The following ASPH variants were observed in gnomAD, a reference collection of about 807,000 sequenced individuals.
ASPH encodes aspartate beta-hydroxylase, also known as aspartyl/asparaginyl beta-hydroxylase.
In ASPH, 100 loss-of-function variants were observed where a neutral mutation model predicts 118.4. That is an observed-to-expected ratio of 0.84 (90% confidence interval 0.72 to 1.00). The LOEUF (loss-of-function observed/expected upper bound fraction) is 1.00, where lower values mean the gene tolerates loss of function less well. Among genes scored for constraint, ASPH ranks in the 50% least tolerant of loss-of-function variants. The pLI, the probability that ASPH is intolerant of heterozygous loss-of-function variation, is 0.00. For missense variants in ASPH, 920 were observed against 919.5 expected (o/e 1.00, Z -0.01); for synonymous variants, 315 against 325.6 (o/e 0.97, Z 0.35).
intron 10 of ASPH, among the ~76,000 whole-genome samples, chr8:61,639,358 C>A (rs1477658733): frequency 1.3e-5 from 2 of 152,104 alleles, no homozygotes; most frequent in Non-Finnish European, 2.9e-5. Flanking sequence ...AGACCCTGAC[C>A]CCATCCCTGA....
intron 18 of ASPH, among the ~76,000 whole-genome samples, chr8:61,557,425 A>C (rs554396031): frequency 6.6e-6 from 1 of 152,164 alleles, no homozygotes; most frequent in South Asian, 2.1e-4. Context: ...TTGCATTCAC[A>C]GTATCCCTCT....
At chr8:61,627,860 C>T (rs564494318) in intron 13 of ASPH, among the ~76,000 whole-genome samples, 21 of 152,300 alleles carry the variant, frequency 1.4e-4, no homozygotes, top group Admixed American at 2.6e-4. Flanking sequence ...TTTCTTCCTG[C>T]CTTCTCTATC....
chr8:61,645,562 A>G (rs1807494693), intron 6 of ASPH, among the ~76,000 whole-genome samples: 1 of 152,270 alleles, frequency 6.6e-6, no homozygotes, highest in Admixed American at 6.5e-5. Flanking sequence ...ATAAATGATT[A>G]CTAAAGGCAT....
intron 14 of ASPH, among the ~76,000 whole-genome samples, chr8:61,591,128 T>C (rs1841001616): frequency 6.6e-6 from 1 of 152,220 alleles, no homozygotes; most frequent in Non-Finnish European, 1.5e-5. Flanking sequence ...CAAAACAGCA[T>C]TTGGCATATG....
chr8:61,546,085 C>T (rs1056156513), intron 21 of ASPH, among the ~76,000 whole-genome samples: 3 of 152,140 alleles, frequency 2.0e-5, no homozygotes, highest in Admixed American at 6.5e-5. Context: ...TCCAGAAGGC[C>T]ATTTACGGCT....
chr8:61,625,780 AT>A, intron 13 of ASPH: 1 of 985,914 alleles, frequency 1.0e-6, no homozygotes, highest in Non-Finnish European at 1.2e-6. Context: ...GCTAATGATG[AT>A]CTCTGTTAGC....
At position 61,547,808 on chromosome 8, in the gene ASPH, G is replaced by T. The variant is rs150926522; in HGVS notation, c.1764+263C>A. Among the ~76,000 whole-genome samples the T allele has an allele frequency of 4.0e-3, 605 of 151,976 alleles. 1 individual carries two copies. Among genetic ancestry groups the T allele is most frequent in the African/African-American group, 0.014 (582 of 41,436 alleles). On this transcript the variant is annotated intron_variant, in intron 21 of 24. Coordinates refer to ENST00000379454, the MANE Select transcript of ASPH (RefSeq NM_004318.4). ...GGTAGATGTAAGCCACATTCCTTGG[G>T]GTAGTCAATAATTTTTAAGAGTATA... is the stretch of plus-strand genomic sequence containing the variant.
chr8:61,614,818 C>T (rs1848518168), intron 14 of ASPH, among the ~76,000 whole-genome samples: 1 of 152,240 alleles, frequency 6.6e-6, no homozygotes, highest in Non-Finnish European at 1.5e-5. Flanking sequence ...TCTCTCACTC[C>T]ATTATTCCAC....
intron 21 of ASPH, among the ~76,000 whole-genome samples, chr8:61,531,803 A>G (rs1219482004): frequency 3.9e-5 from 6 of 152,110 alleles, no homozygotes; most frequent in Non-Finnish European, 8.8e-5. Flanking sequence ...TTGTCTTTCT[A>G]TATCTGGCTT....
At chr8:61,666,181 T>C (rs1349218797) in intron 3 of ASPH, among the ~76,000 whole-genome samples, 5 of 152,154 alleles carry the variant, frequency 3.3e-5, no homozygotes, top group African/African-American at 1.2e-4. Flanking sequence ...AAGGAAAAAT[T>C]AGAATTCTCT....
chr8:61,622,139 A>G (rs1851177814), intron 13 of ASPH, among the ~76,000 whole-genome samples: 1 of 152,176 alleles, frequency 6.6e-6, no homozygotes, highest in African/African-American at 2.4e-5. Context: ...AGAGATCGAG[A>G]CCATCCTGGC....
chr8:61,510,162 A>G (rs1808260014), intron 24 of ASPH, among the ~76,000 whole-genome samples: 1 of 152,180 alleles, frequency 6.6e-6, no homozygotes, highest in Admixed American at 6.6e-5. Context: ...TTCTGAGTGC[A>G]TTCATATGGA....
chr8:61,538,404 C>G (rs1820449900), intron 21 of ASPH, among the ~76,000 whole-genome samples: 2 of 152,160 alleles, frequency 1.3e-5, no homozygotes, highest in African/African-American at 4.8e-5. Context: ...TTCAGTACTT[C>G]TTGATACTAT....
intron 8 of ASPH, 124 bp downstream of exon 8, chr8:61,643,821 A>C: frequency 2.6e-6 from 2 of 770,326 alleles, no homozygotes; most frequent in Non-Finnish European, 4.4e-6. Flanking sequence ...GACCAATCAA[A>C]AGTGATTATA....
chr8:61,506,930 C>T (rs539624379), intron 24 of ASPH, among the ~76,000 whole-genome samples: 2 of 152,188 alleles, frequency 1.3e-5, no homozygotes, highest in African/African-American at 4.8e-5. Context: ...GTAGTTTGTA[C>T]AGCAATGACA....
chr8:61,514,664 G>A (rs1324256982), intron 24 of ASPH, among the ~76,000 whole-genome samples: 4 of 152,074 alleles, frequency 2.6e-5, no homozygotes, highest in South Asian at 2.1e-4. Context: ...AGCCGAGATC[G>A]CCCCATTGTA....
At position 61,603,988 on chromosome 8, in the gene ASPH, T is replaced by C. The variant is rs189491922; in HGVS notation, c.976+14990A>G. Among the ~76,000 whole-genome samples the C allele has an allele frequency of 3.9e-5, 6 of 152,320 alleles. No homozygotes were observed. In the East Asian group the frequency reaches 1.2e-3, roughly 29 times the overall value. ...TGTACATATAAATGTGAAAAAGGTA[T>C]GTTCAGGGATTTGTGAAAAATCTTG... On this transcript the variant is annotated intron_variant, in intron 14 of 24. Transcript: ENST00000379454.
rs189297254 is a variant in ASPH, at chr8:61,637,018, C to T, written c.889+929G>A. Reference sequence around the variant, plus strand: ...CGATTCCCTTATACCTATCTCCCCCCATTTCAGTCAACTGCACCATTCCAT... The same window carrying T: ...CGATTCCCTTATACCTATCTCCCCCTATTTCAGTCAACTGCACCATTCCAT... On this transcript the variant is annotated intron_variant, in intron 12 of 24. Transcript: ENST00000379454. 4.2e-4 allele frequency among the ~76,000 whole-genome samples: 64 copies of T among 152,256 alleles called. 2 individuals carry two copies. The highest frequency in any genetic ancestry group is 1.3e-3 in the African/African-American group (52 of 41,554).
At chr8:61,644,041 A>G in intron 7 of ASPH, 40 bp from the exon 8 acceptor site, 2 of 1,446,156 alleles carry the variant, frequency 1.4e-6, no homozygotes, top group Non-Finnish European at 1.9e-6. Flanking sequence ...CGTCTCAAAT[A>G]AGGAATACAT....
Sources: gnomAD v4.1 joint callset for allele counts (sites outside exome capture counted in the v4.1 genomes callset) on GRCh38, gnomAD v4.1.1 for gene constraint, MANE v1.5 for transcripts, NCBI Gene and HGNC (gene_info 2026-07-23, HGNC 2026-07-21) for gene names.